GJB7: variants seen among roughly 807,000 people sequenced by gnomAD.
GJB7 encodes gap junction beta-7 protein.
For missense variants in GJB7, 253 were observed against 256.8 expected (o/e 0.99, Z 0.10); for synonymous variants, 87 against 95.2 (o/e 0.91, Z 0.50).
chr6:87,296,102 A>G (rs1776246318), intron 2 of GJB7, among the ~76,000 whole-genome samples: 1 of 152,244 alleles, frequency 6.6e-6, no homozygotes, highest in African/African-American at 2.4e-5. Context: ...TTTAGAGCCA[A>G]CTAATGTATT....
chr6:87,286,556 T>C (rs1243677147), intron 2 of GJB7, among the ~76,000 whole-genome samples: 1 of 152,236 alleles, frequency 6.6e-6, no homozygotes, highest in Non-Finnish European at 1.5e-5. Flanking sequence ...TTCGCATCTC[T>C]TGCTCTTTTC....
At position 87,283,023 on chromosome 6, in the gene GJB7, T is replaced by C. The variant is rs1057033982; in HGVS notation, c.*1218A>G. On this transcript the variant is annotated 3_prime_UTR_variant, in exon 3 of 3. Transcript: ENST00000525899. ...TTTTTATTCTGAAGAAATGTACATA[T>C]GTTAAAGTACTAAATCCAAAGAGAA... 2 of 152,230 alleles carry C rather than the reference T, an allele frequency of 1.3e-5. No homozygotes were observed. The highest frequency in any genetic ancestry group is 4.8e-5 in the African/African-American group (2 of 41,450). 9.4% of individuals were successfully genotyped at this position (152,230 alleles called of 1,614,324 possible).
intron 1 of GJB7, among the ~76,000 whole-genome samples, chr6:87,326,203 C>T (rs985128656): frequency 5.9e-5 from 9 of 152,020 alleles, no homozygotes; most frequent in East Asian, 3.8e-4. Flanking sequence ...TTTGTTGATC[C>T]GTTCAAAAAA....
chr6:87,298,221 T>C (rs112801938), intron 2 of GJB7, among the ~76,000 whole-genome samples: 2 of 152,124 alleles, frequency 1.3e-5, no homozygotes, highest in Admixed American at 6.5e-5. Context: ...GAGCCACCAG[T>C]GTAACTGGGG....
intron 1 of GJB7, among the ~76,000 whole-genome samples, chr6:87,328,002 A>C (rs1194245739): frequency 6.6e-6 from 1 of 151,240 alleles, no homozygotes. Flanking sequence ...CATTTCATTC[A>C]CTTCATCTTC....
At chr6:87,304,930 G>T (rs765655032) in intron 2 of GJB7, among the ~76,000 whole-genome samples, 20 of 152,112 alleles carry the variant, frequency 1.3e-4, no homozygotes, top group African/African-American at 4.3e-4. Flanking sequence ...AAAACCATAC[G>T]ATTATCTCAA....
intron 2 of GJB7, chr6:87,322,633 G>C (rs1174632046): frequency 6.6e-6 from 1 of 152,504 alleles, no homozygotes; most frequent in South Asian, 2.1e-4. Context: ...CCCGCGAAAG[G>C]TAAGCGGCGG....
At chr6:87,301,255 G>A (rs1776319954) in intron 2 of GJB7, among the ~76,000 whole-genome samples, 1 of 152,190 alleles carries the variant, frequency 6.6e-6, no homozygotes, top group Admixed American at 6.5e-5. Flanking sequence ...GGAAGCACAA[G>A]GGGTCAGGGA....
At chr6:87,316,234 A>G (rs1303283858) in intron 2 of GJB7, among the ~76,000 whole-genome samples, 2 of 152,146 alleles carry the variant, frequency 1.3e-5, no homozygotes, top group East Asian at 3.8e-4. Flanking sequence ...GTCACTAGAT[A>G]TTTTGAATGG....
At chr6:87,319,110 C>T (rs1224267399) in intron 2 of GJB7, among the ~76,000 whole-genome samples, 3 of 152,138 alleles carry the variant, frequency 2.0e-5, no homozygotes, top group Non-Finnish European at 4.4e-5. Flanking sequence ...ACAGATTAAT[C>T]TTTGCTTTAT....
At chr6:87,289,070 G>A (rs1156638866) in intron 2 of GJB7, among the ~76,000 whole-genome samples, 1 of 152,158 alleles carries the variant, frequency 6.6e-6, no homozygotes, top group African/African-American at 2.4e-5. Context: ...GCCCATGCCT[G>A]CATCTCCAAC....
chr6:87,315,795 CAAAA>C (rs1161194601), intron 2 of GJB7, among the ~76,000 whole-genome samples: 7 of 72,366 alleles, frequency 9.7e-5, no homozygotes, highest in South Asian at 5.1e-4. Context: ...GACTCTATCT[CAAAA>C]AAAAAAAAAA....
chr6:87,290,690 C>G (rs1776155248), intron 2 of GJB7, among the ~76,000 whole-genome samples: 1 of 152,190 alleles, frequency 6.6e-6, no homozygotes, highest in African/African-American at 2.4e-5. Context: ...GCAAACTACA[C>G]AGCACTCAGG....
intron 1 of GJB7, among the ~76,000 whole-genome samples, 155 bp from the exon 2 acceptor site, chr6:87,323,198 A>G (rs1776714219): frequency 6.6e-6 from 1 of 152,248 alleles, no homozygotes; most frequent in East Asian, 1.9e-4. Flanking sequence ...GGCTGTCGCC[A>G]GCAAAGCCTT....
At chr6:87,290,913 G>C (rs1262959813) in intron 2 of GJB7, among the ~76,000 whole-genome samples, 1 of 152,180 alleles carries the variant, frequency 6.6e-6, no homozygotes, top group Non-Finnish European at 1.5e-5. Flanking sequence ...ATGGAACCAA[G>C]TACCAGAACT....
At chr6:87,294,845 T>G (rs1212852502) in intron 2 of GJB7, among the ~76,000 whole-genome samples, 2 of 152,218 alleles carry the variant, frequency 1.3e-5, no homozygotes, top group African/African-American at 2.4e-5. Flanking sequence ...TTGTTTGTTT[T>G]TTTCCCCACA....
At chr6:87,324,020 G>A (rs1448128114) in intron 1 of GJB7, among the ~76,000 whole-genome samples, 3 of 149,976 alleles carry the variant, frequency 2.0e-5, no homozygotes, top group Non-Finnish European at 4.4e-5. Context: ...TTCTCTGATG[G>A]CCAGTGATGG....
intron 2 of GJB7, among the ~76,000 whole-genome samples, chr6:87,288,434 A>G (rs923676484): frequency 5.9e-5 from 9 of 152,212 alleles, no homozygotes; most frequent in Non-Finnish European, 1.2e-4. Context: ...GGAAAATCAT[A>G]TAGTGAATCC....
At chr6:87,320,483 T>C (rs990993216) in intron 2 of GJB7, among the ~76,000 whole-genome samples, 1 of 152,216 alleles carries the variant, frequency 6.6e-6, no homozygotes, top group Non-Finnish European at 1.5e-5. Context: ...AGAAAGTCTA[T>C]GAGATAGGTC....
Sources: gnomAD v4.1 joint callset for allele counts (sites outside exome capture counted in the v4.1 genomes callset) on GRCh38, gnomAD v4.1.1 for gene constraint, MANE v1.5 for transcripts, NCBI Gene and HGNC (gene_info 2026-07-23, HGNC 2026-07-21) for gene names.